Variants in TEC observed in about 807,000 individuals in gnomAD.
TEC encodes tyrosine-protein kinase Tec.
A neutral mutation model predicts 93.0 loss-of-function variants in TEC; 72 were observed. That is an observed-to-expected ratio of 0.77 (90% CI 0.64 to 0.94). The LOEUF (loss-of-function observed/expected upper bound fraction) is 0.94, where lower values mean the gene tolerates loss of function less well. TEC is among the 40% of genes least tolerant of loss of function. The probability of loss-of-function intolerance (pLI) is 0.00; values close to 1 mark genes in which losing one functional copy is unlikely to be tolerated. For synonymous variants in TEC, 249 were observed against 247.7 expected (o/e 1.01, Z -0.05); for missense variants, 630 against 757.9 (o/e 0.83, Z 1.98).
At chr4:48,264,448 C>T (rs1724581204) in intron 1 of TEC, among the ~76,000 whole-genome samples, 1 of 152,194 alleles carries the variant, frequency 6.6e-6, no homozygotes, top group East Asian at 1.9e-4. Context: ...GATGCTGAGA[C>T]TTCCAGTCTT....
intron 2 of TEC, among the ~76,000 whole-genome samples, chr4:48,219,415 C>T (rs1723182113): frequency 6.6e-6 from 1 of 152,240 alleles, no homozygotes; most frequent in Non-Finnish European, 1.5e-5. Flanking sequence ...TGCCTGCAGT[C>T]ATCCGGAGGC....
At chr4:48,225,292 A>G (rs564856043) in intron 2 of TEC, among the ~76,000 whole-genome samples, 1 of 151,982 alleles carries the variant, frequency 6.6e-6, no homozygotes, top group Non-Finnish European at 1.5e-5. Flanking sequence ...CTCTTGCCTC[A>G]GCCTCCTGAG....
Position 48,139,029 on chromosome 4 carries a change from T to A in TEC, c.1536-7A>T. The A allele has an allele frequency of 1.2e-6, 2 of 1,605,710 alleles. No individual in the cohort carries two copies. The highest frequency in any genetic ancestry group is 1.7e-6 in the Non-Finnish European group (2 of 1,172,416). ...CTGATCATCCAGAACATACCTAGAG[T>A]AAGACACACCATGGGTTTACACCTC... On this transcript the variant is annotated splice_polypyrimidine_tract_variant and splice_region_variant and intron_variant, in intron 15 of 17. Transcript: ENST00000381501.
In TEC at chr4:48,149,496, C is replaced by T. The variant is rs900085931; in HGVS notation, c.1006+61G>A. 8 of 1,447,906 alleles carry T rather than the reference C, an allele frequency of 5.5e-6. No individual in the cohort carries two copies. In the African/African-American group the frequency reaches 8.7e-5, roughly 16 times the overall value. The allele number at this position is 1,447,906 out of a possible 1,614,324, so 89.7% of individuals were successfully genotyped here. On this transcript the variant is annotated intron_variant, in intron 11 of 17. Transcript: ENST00000381501. ...ATAAAACTGCTCAAGGAATTAATCA[C>T]AGTATCTGATCATTTTAATCACTAC...
intron 2 of TEC, among the ~76,000 whole-genome samples, chr4:48,206,753 C>A (rs550763349): frequency 3.5e-4 from 32 of 90,918 alleles, no homozygotes; most frequent in African/African-American, 1.1e-3. Context: ...CCAGCCTGGG[C>A]AATATAAGGA....
At chr4:48,243,467 A>G (rs1471622866) in intron 1 of TEC, among the ~76,000 whole-genome samples, 1 of 152,254 alleles carries the variant, frequency 6.6e-6, no homozygotes, top group East Asian at 1.9e-4. Flanking sequence ...CCTTACACGC[A>G]GCAAACACTC....
At chr4:48,236,443 G>A (rs1359702457) in intron 1 of TEC, among the ~76,000 whole-genome samples, 7 of 151,912 alleles carry the variant, frequency 4.6e-5, no homozygotes, top group African/African-American at 1.2e-4. Flanking sequence ...CACTACGCCC[G>A]GTTAATTTTT....
intron 2 of TEC, among the ~76,000 whole-genome samples, chr4:48,205,595 A>G (rs1295600143): frequency 6.6e-6 from 1 of 152,242 alleles, no homozygotes; most frequent in East Asian, 1.9e-4. Flanking sequence ...TAAGCTACAT[A>G]TAAAGTTGCT....
intron 15 of TEC, among the ~76,000 whole-genome samples, chr4:48,140,525 G>A (rs1394345405): frequency 3.9e-5 from 6 of 152,076 alleles, no homozygotes; most frequent in African/African-American, 1.4e-4. Context: ...CAACTTTTAT[G>A]TAAAGGGCCA....
At chr4:48,196,560 TAGCC>T in intron 2 of TEC, among the ~76,000 whole-genome samples, 1 of 152,352 alleles carries the variant, frequency 6.6e-6, no homozygotes, top group African/African-American at 2.4e-5. Flanking sequence ...AAAAGCATAC[TAGCC>T]CTTAGGAAAC....
At chr4:48,140,986 G>T (rs530151843) in intron 15 of TEC, among the ~76,000 whole-genome samples, 1 of 152,116 alleles carries the variant, frequency 6.6e-6, no homozygotes, top group Admixed American at 6.5e-5. Context: ...ATGGATAGAC[G>T]GAGGGAGAAG....
chr4:48,217,672 T>A (rs1381116376), intron 2 of TEC, among the ~76,000 whole-genome samples: 10 of 151,742 alleles, frequency 6.6e-5, no homozygotes, highest in African/African-American at 2.2e-4. Context: ...CATAGATATT[T>A]TAAAACTTTA....
intron 2 of TEC, among the ~76,000 whole-genome samples, chr4:48,184,432 TGAA>T (rs1721717966): frequency 6.6e-6 from 1 of 152,170 alleles, no homozygotes; most frequent in Non-Finnish European, 1.5e-5. Flanking sequence ...GCAAATAAAG[TGAA>T]ATTAACATTA....
chr4:48,256,305 C>T (rs752496019), intron 1 of TEC, among the ~76,000 whole-genome samples: 5 of 151,924 alleles, frequency 3.3e-5, no homozygotes, highest in African/African-American at 1.2e-4. Flanking sequence ...CCTCTGTGGC[C>T]GGGCACGGTG....
At chr4:48,195,153 T>C (rs1025717801) in intron 2 of TEC, among the ~76,000 whole-genome samples, 3 of 151,920 alleles carry the variant, frequency 2.0e-5, no homozygotes, top group Admixed American at 6.6e-5. Context: ...ACAATGGGAG[T>C]AGAAGGGATT....
At chr4:48,243,897 C>A (rs1342348484) in intron 1 of TEC, among the ~76,000 whole-genome samples, 6 of 149,856 alleles carry the variant, frequency 4.0e-5, no homozygotes, top group African/African-American at 1.2e-4. Flanking sequence ...AGCAAACCAA[C>A]ATGACACATG....
At chr4:48,258,167 A>G (rs569542658) in intron 1 of TEC, among the ~76,000 whole-genome samples, 2 of 141,362 alleles carry the variant, frequency 1.4e-5, no homozygotes, top group Admixed American at 7.2e-5. Context: ...TTTGAGAAGG[A>G]ATCTCACTCT....
chr4:48,186,068 G>C (rs1482912407), intron 2 of TEC, among the ~76,000 whole-genome samples: 2 of 152,296 alleles, frequency 1.3e-5, no homozygotes, highest in South Asian at 4.1e-4. Context: ...CATGTTGGCC[G>C]GGCTGGTCTC....
intron 1 of TEC, among the ~76,000 whole-genome samples, chr4:48,263,182 G>A (rs906464071): frequency 6.6e-6 from 1 of 152,162 alleles, no homozygotes; most frequent in Non-Finnish European, 1.5e-5. Context: ...TTCCAAGGAG[G>A]GCACAAGTGG....
Sources: gnomAD v4.1 joint callset for allele counts (sites outside exome capture counted in the v4.1 genomes callset) on GRCh38, gnomAD v4.1.1 for gene constraint, MANE v1.5 for transcripts, NCBI Gene and HGNC (gene_info 2026-07-23, HGNC 2026-07-21) for gene names.